CSMD1: variants seen among roughly 807,000 people sequenced by gnomAD.
CSMD1 encodes the protein CUB and sushi domain-containing protein 1.
Under a neutral mutation model 417.5 loss-of-function variants are expected in CSMD1, and 213 were observed. That is an observed-to-expected ratio of 0.51 (90% CI 0.46 to 0.57). The LOEUF (loss-of-function observed/expected upper bound fraction) is 0.57, where lower values mean the gene tolerates loss of function less well. CSMD1 is among the 20% of genes least tolerant of loss of function. CSMD1 has a pLI of 0.00. For missense variants in CSMD1, 6,923 were observed against 4,529.7 expected (o/e 1.53, Z -15.17); for synonymous variants, 2,862 against 1,736.8 (o/e 1.65, Z -16.11).
chr8:4,494,663 C>T (rs905057875), intron 2 of CSMD1, among the ~76,000 whole-genome samples: 5 of 152,140 alleles, frequency 3.3e-5, no homozygotes, highest in Admixed American at 2.6e-4. Context: ...TTGGCATCTT[C>T]ATCACCATTC....
chr8:3,403,521 A>G (rs554482238), intron 15 of CSMD1, among the ~76,000 whole-genome samples: 183 of 152,178 alleles, frequency 1.2e-3, no homozygotes, highest in African/African-American at 4.2e-3. Flanking sequence ...TTTGTTAACA[A>G]CCTATAGCTG....
intron 41 of CSMD1, among the ~76,000 whole-genome samples, chr8:3,142,092 C>T (rs985608384): frequency 6.6e-5 from 10 of 152,120 alleles, no homozygotes; most frequent in Non-Finnish European, 1.3e-4. Flanking sequence ...CCACCGCGCC[C>T]GGCCGCCAAA....
At chr8:4,057,575 T>C (rs550111806) in intron 3 of CSMD1, among the ~76,000 whole-genome samples, 1 of 152,010 alleles carries the variant, frequency 6.6e-6, no homozygotes, top group South Asian at 2.1e-4. Context: ...TTGTTGCCAT[T>C]GCTTTTGGTG....
chr8:4,981,830 A>T (rs1334132208), intron 1 of CSMD1, among the ~76,000 whole-genome samples: 1 of 152,178 alleles, frequency 6.6e-6, no homozygotes, highest in Non-Finnish European at 1.5e-5. Context: ...TTATGTGTAC[A>T]GGATTATGTG....
chr8:4,167,955 C>G (rs1432564638), intron 3 of CSMD1, among the ~76,000 whole-genome samples: 3 of 151,910 alleles, frequency 2.0e-5, no homozygotes, highest in Admixed American at 6.6e-5. Flanking sequence ...TGGTGAAACC[C>G]TATCTCTACT....
intron 3 of CSMD1, among the ~76,000 whole-genome samples, chr8:4,048,622 T>C (rs1461856313): frequency 1.3e-5 from 2 of 152,168 alleles, no homozygotes; most frequent in African/African-American, 2.4e-5. Context: ...AAACAGGTAA[T>C]TCTTAAATAA....
intron 7 of CSMD1, among the ~76,000 whole-genome samples, chr8:3,653,076 A>G (rs1357245483): frequency 6.6e-6 from 1 of 152,160 alleles, no homozygotes; most frequent in East Asian, 1.9e-4. Context: ...GTAAAGACTC[A>G]TTCATCAACG....
intron 3 of CSMD1, among the ~76,000 whole-genome samples, chr8:4,146,254 C>T (rs1250084937): frequency 1.3e-5 from 2 of 151,062 alleles, no homozygotes; most frequent in Non-Finnish European, 2.9e-5. Context: ...GGACCCTCAT[C>T]CACTCGAGGC....
At chr8:4,751,087 T>C (rs1184905717) in intron 1 of CSMD1, among the ~76,000 whole-genome samples, 1 of 152,078 alleles carries the variant, frequency 6.6e-6, no homozygotes, top group South Asian at 2.1e-4. Context: ...TGTGCATCGT[T>C]AAAGAGAGCA....
At chr8:4,208,938 T>C (rs924379411) in intron 3 of CSMD1, among the ~76,000 whole-genome samples, 1 of 152,202 alleles carries the variant, frequency 6.6e-6, no homozygotes, top group African/African-American at 2.4e-5. Flanking sequence ...AGATAAAAAC[T>C]TGACCCTTTG....
chr8:4,629,617 T>C (rs1053009436), intron 2 of CSMD1, among the ~76,000 whole-genome samples: 5 of 152,224 alleles, frequency 3.3e-5, no homozygotes, highest in South Asian at 2.1e-4. Context: ...TTCAGTTTTA[T>C]ATGTGATTTC....
chr8:3,660,871 C>T (rs1326561826), intron 7 of CSMD1, among the ~76,000 whole-genome samples: 1 of 152,088 alleles, frequency 6.6e-6, no homozygotes, highest in Non-Finnish European at 1.5e-5. Flanking sequence ...TTCAATTGTT[C>T]AGACTCTATG....
At chr8:3,319,320 G>A (rs6989279) in intron 23 of CSMD1, among the ~76,000 whole-genome samples, 9,427 of 152,196 alleles carry the variant, frequency 0.062, 795 homozygotes, top group African/African-American at 0.18. Flanking sequence ...CCACTGCAGA[G>A]TCTTCATGGC....
At chr8:3,792,848 G>C (rs1432606276) in intron 5 of CSMD1, among the ~76,000 whole-genome samples, 1 of 152,138 alleles carries the variant, frequency 6.6e-6, no homozygotes, top group Non-Finnish European at 1.5e-5. Context: ...TTGAAGCACA[G>C]GATGAAATTT....
chr8:4,400,546 G>T (rs748400430), intron 3 of CSMD1, among the ~76,000 whole-genome samples: 3 of 152,216 alleles, frequency 2.0e-5, no homozygotes, highest in Non-Finnish European at 4.4e-5. Context: ...TTTCGTGCAA[G>T]GCACAGGGCC....
At chr8:4,347,824 T>C (rs917047454) in intron 3 of CSMD1, among the ~76,000 whole-genome samples, 1 of 136,356 alleles carries the variant, frequency 7.3e-6, no homozygotes, top group South Asian at 2.4e-4. Context: ...AGATATTATA[T>C]CTTCTCTCGT....
In CSMD1 at chr8:3,675,358, T is replaced by C. The variant is rs1487870255; in HGVS notation, c.1009+33056A>G. ...GTCATTGCTATCCATGTAGCCTCCA[T>C]AGTAAGGCCTCAGCAATGTGGGCTT... On this transcript the variant is annotated intron_variant, in intron 7 of 69. Transcript: ENST00000635120. Among the ~76,000 whole-genome samples the C allele has an allele frequency of 2.0e-5, 3 of 152,172 alleles. No individual in the cohort carries two copies. In the East Asian group the frequency reaches 5.8e-4, roughly 29 times the overall value.
intron 48 of CSMD1, among the ~76,000 whole-genome samples, chr8:3,088,648 G>C (rs1359506479): frequency 6.6e-6 from 1 of 151,860 alleles, no homozygotes; most frequent in Non-Finnish European, 1.5e-5. Context: ...TTAATGGGCT[G>C]ATTTTTCTTA....
At chr8:3,124,950 G>A (rs1345325388) in intron 41 of CSMD1, among the ~76,000 whole-genome samples, 1 of 152,180 alleles carries the variant, frequency 6.6e-6, no homozygotes, top group Non-Finnish European at 1.5e-5. Context: ...AAGAGCATCA[G>A]TTACACTATT....
Sources: gnomAD v4.1 joint callset for allele counts (sites outside exome capture counted in the v4.1 genomes callset) on GRCh38, gnomAD v4.1.1 for gene constraint, MANE v1.5 for transcripts, NCBI Gene and HGNC (gene_info 2026-07-23, HGNC 2026-07-21) for gene names.